Variants in ABCB11 observed in about 807,000 individuals in gnomAD.
ABCB11 encodes the protein ATP binding cassette subfamily B member 11, also known as bile salt export pump.
In ABCB11, 95 loss-of-function variants were observed where a neutral mutation model predicts 148.0. The ratio of observed to expected loss-of-function variants is 0.64; its 90% CI spans 0.54 to 0.76. The LOEUF (loss-of-function observed/expected upper bound fraction) is 0.76, where lower values mean the gene tolerates loss of function less well. Among genes scored for constraint, ABCB11 ranks in the 30% least tolerant of loss-of-function variants. The probability of loss-of-function intolerance (pLI) is 0.00; values close to 1 mark genes in which losing one functional copy is unlikely to be tolerated. For missense variants in ABCB11, 1,523 were observed against 1,617.8 expected (o/e 0.94, Z 1.01); for synonymous variants, 591 against 555.4 (o/e 1.06, Z -0.90).
chr2:169,019,047 G>C (rs887434722), intron 1 of ABCB11, among the ~76,000 whole-genome samples: 1 of 151,988 alleles, frequency 6.6e-6, no homozygotes, highest in Non-Finnish European at 1.5e-5. Flanking sequence ...CCATCTCTTC[G>C]CTTGGAGCCA....
At chr2:168,981,826 T>C (rs1377470322) in intron 10 of ABCB11, among the ~76,000 whole-genome samples, 1 of 152,164 alleles carries the variant, frequency 6.6e-6, no homozygotes, top group Non-Finnish European at 1.5e-5. Context: ...AAAGCAGCCA[T>C]AGACATATGT....
chr2:168,982,469 C>T (rs1694164373), intron 10 of ABCB11, among the ~76,000 whole-genome samples: 1 of 152,050 alleles, frequency 6.6e-6, no homozygotes, highest in Non-Finnish European at 1.5e-5. Flanking sequence ...TTAATGAATT[C>T]TGAAACTCAG....
At chr2:168,969,326 C>T in intron 16 of ABCB11, 24 bp downstream of exon 16, 1 of 1,592,152 alleles carries the variant, frequency 6.3e-7, no homozygotes, top group Middle Eastern at 1.7e-4. Context: ...ATATAACATA[C>T]AAGTATAGGG....
chr2:168,935,008 C>T (rs1313731026), intron 23 of ABCB11, among the ~76,000 whole-genome samples, 176 bp downstream of exon 23: 1 of 152,146 alleles, frequency 6.6e-6, no homozygotes, highest in Admixed American at 6.5e-5. Flanking sequence ...CTGAGTCAGC[C>T]CAGGTCAGAA....
At chr2:168,989,531 T>G (rs1467406720) in intron 9 of ABCB11, among the ~76,000 whole-genome samples, 1 of 152,120 alleles carries the variant, frequency 6.6e-6, no homozygotes, top group African/African-American at 2.4e-5. Flanking sequence ...ACTATAGTAA[T>G]CAAATAATCT....
In ABCB11 at chr2:168,986,232, CTA is replaced by C. The variant is rs1418620415; in HGVS notation, c.959_960del (p.Ile320SerfsTer31). On this transcript the variant is annotated frameshift_variant, in exon 10 of 28. Transcript: ENST00000650372. LOFTEE classifies it high-confidence loss of function. ...ACGAATCCAGTAAAGAATCCCATCA[CTA>C]TTCCTTTTCTAATTCCCCAACGCTG... ...FAQRWGIRKG[I>X]VMGFFTGFVW... The C allele has an allele frequency of 3.1e-6, 5 of 1,613,262 alleles. No homozygotes were observed. The highest frequency in any genetic ancestry group is 4.2e-6 in the Non-Finnish European group (5 of 1,179,622).
chr2:168,949,576 T>C (rs1044003537), intron 19 of ABCB11, among the ~76,000 whole-genome samples: 2 of 151,712 alleles, frequency 1.3e-5, no homozygotes, highest in East Asian at 3.9e-4. Flanking sequence ...TATATCGTAT[T>C]TTCTTTATCC....
chr2:168,964,637 A>G (rs1388824655), intron 17 of ABCB11, among the ~76,000 whole-genome samples: 20 of 151,754 alleles, frequency 1.3e-4, no homozygotes, highest in Admixed American at 1.3e-3. Context: ...CCAAACCCAC[A>G]TGGTTCTGCT....
At chr2:168,918,448 C>T (rs76844792), downstream of ABCB11, among the ~76,000 whole-genome samples, 2,022 of 152,282 alleles carry the variant, frequency 0.013, 38 homozygotes, top group African/African-American at 0.042. Flanking sequence ...TACAAGCACA[C>T]ACCAAACACA....
intron 9 of ABCB11, 33 bp downstream of exon 9, chr2:168,990,768 A>T: frequency 6.2e-7 from 1 of 1,610,902 alleles, no homozygotes; most frequent in Non-Finnish European, 8.5e-7. Context: ...GATTGATGAA[A>T]TTAAGGAAAG....
At chr2:168,967,339 C>A (rs1351589897) in intron 17 of ABCB11, among the ~76,000 whole-genome samples, 1 of 151,810 alleles carries the variant, frequency 6.6e-6, no homozygotes, top group Admixed American at 6.6e-5. Context: ...TTTGAATAAA[C>A]TTGTTCTCAA....
intron 19 of ABCB11, among the ~76,000 whole-genome samples, chr2:168,945,336 C>T (rs908141779): frequency 3.3e-5 from 5 of 151,912 alleles, no homozygotes; most frequent in African/African-American, 7.2e-5. Flanking sequence ...AGTAATTAAA[C>T]GAAAGTTAGC....
chr2:168,982,822 A>G (rs1385468447), intron 10 of ABCB11, among the ~76,000 whole-genome samples: 5 of 152,130 alleles, frequency 3.3e-5, no homozygotes, highest in African/African-American at 1.2e-4. Context: ...AGCAAGGAAT[A>G]TAGTGTTAAA....
Position 168,921,516 on chromosome 2 carries a change from G to A in ABCB11, c.*2106C>T, listed in dbSNP as rs527944521. ...TGTATGTTCACTTTTATTGATTCCT[G>A]TTTTTATTTAAATAGATGGAAATAT... On this transcript the variant is annotated 3_prime_UTR_variant, in exon 28 of 28. Coordinates refer to ENST00000650372, the MANE Select transcript of ABCB11 (RefSeq NM_003742.4). Among the ~76,000 whole-genome samples the A allele has an allele frequency of 3.9e-5, 6 of 152,028 alleles. No individual in the cohort carries two copies. The highest frequency in any genetic ancestry group is 8.8e-5 in the Non-Finnish European group (6 of 67,990).
rs966816694 is a variant in ABCB11 at position 168,921,992 on chromosome 2, G to T, written c.*1630C>A. ...GCCTCCTGAGTAGCTGGGACTACAG[G>T]CGCCCGCCACCACGCCCGGCTAATT... On this transcript the variant is annotated 3_prime_UTR_variant, in exon 28 of 28. Transcript: ENST00000650372. Among the ~76,000 whole-genome samples, 7 of 151,782 alleles carry T rather than the reference G, an allele frequency of 4.6e-5. No individual in the cohort carries two copies. The highest frequency in any genetic ancestry group is 1.7e-4 in the African/African-American group (7 of 41,304).
intron 12 of ABCB11, among the ~76,000 whole-genome samples, chr2:168,976,157 A>T (rs550165983): frequency 1.3e-5 from 2 of 152,264 alleles, no homozygotes; most frequent in East Asian, 3.9e-4. Context: ...ACATAATGGC[A>T]GCTTTCCTTT....
chr2:169,017,599 A>C (rs1161946188), intron 2 of ABCB11, among the ~76,000 whole-genome samples: 1 of 152,162 alleles, frequency 6.6e-6, no homozygotes, highest in African/African-American at 2.4e-5. Flanking sequence ...TCATAGGGTT[A>C]GAAAACAATA....
intron 5 of ABCB11, among the ~76,000 whole-genome samples, chr2:169,007,692 T>A (rs1202233000): frequency 6.6e-6 from 1 of 151,466 alleles, no homozygotes; most frequent in African/African-American, 2.4e-5. Flanking sequence ...TTAAACACTT[T>A]AGTGGTTCAA....
chr2:169,026,674 A>T (rs1442291001), intron 1 of ABCB11, among the ~76,000 whole-genome samples: 1 of 152,204 alleles, frequency 6.6e-6, no homozygotes, highest in Non-Finnish European at 1.5e-5. Context: ...TTATTAGACC[A>T]TGTTTTCTTC....
Sources: allele counts gnomAD v4.1 joint callset (sites outside exome capture counted in the v4.1 genomes callset), GRCh38; gene constraint gnomAD v4.1.1; transcripts MANE v1.5; gene names NCBI Gene and HGNC (gene_info 2026-07-23, HGNC 2026-07-21).